SHOC1: variants seen among roughly 807,000 people sequenced by gnomAD.
SHOC1 encodes the protein protein shortage in chiasmata 1 ortholog.
SHOC1 carries 136 observed loss-of-function variants against 179.2 expected under a neutral mutation model. The observed-to-expected ratio is 0.76, with a 90% confidence interval of 0.66 to 0.87. The LOEUF (loss-of-function observed/expected upper bound fraction) is 0.87. Among genes scored for constraint, SHOC1 ranks in the 40% least tolerant of loss-of-function variants. The probability of loss-of-function intolerance (pLI) is 0.00; values close to 1 mark genes in which losing one functional copy is unlikely to be tolerated. For missense variants in SHOC1, 1,538 were observed against 1,700.8 expected, an observed-to-expected ratio of 0.90 and a Z score of 1.68; for synonymous variants, 489 against 586.6, an observed-to-expected ratio of 0.83 and a Z score of 2.41.
Position 111,692,421 on chromosome 9 carries a change from G to T in SHOC1, c.3556C>A (p.Gln1186Lys), listed in dbSNP as rs1831486988. ...QISSPQENRNQISTLSSQSSA... is the reference protein window; with the variant it reads ...QISSPQENRNKISTLSSQSSA... ...CTTTGAGAAGACAAGGTACTAATCT[G>T]ATTCCTATTTTCCTGAGGTGACGAA... Residue 1186 changes from glutamine (Q) to lysine (K), a missense_variant, in exon 27 of 28, where the codon CAG (glutamine) becomes AAG (lysine). Coordinates refer to ENST00000682961, the MANE Select transcript of SHOC1 (RefSeq NM_001378211.1). 6.2e-7 allele frequency: 1 copy of T among 1,611,454 alleles called. No individual in the cohort carries two copies.
chr9:111,776,109 T>C, intron 4 of SHOC1, 134 bp from the exon 5 acceptor site: 1 of 648,226 alleles, frequency 1.5e-6, no homozygotes, highest in Non-Finnish European at 2.6e-6. Flanking sequence ...TATATTCCCA[T>C]CATTCAAGAT....
chr9:111,697,052 T>C (rs1311691517), intron 24 of SHOC1, among the ~76,000 whole-genome samples: 1 of 152,180 alleles, frequency 6.6e-6, no homozygotes, highest in Non-Finnish European at 1.5e-5. Context: ...AAAAAGAGCA[T>C]CATTCTTACC....
chr9:111,711,769 G>A (rs887387620), intron 18 of SHOC1, among the ~76,000 whole-genome samples: 2 of 152,146 alleles, frequency 1.3e-5, no homozygotes, highest in African/African-American at 2.4e-5. Flanking sequence ...TTGTTAAGAC[G>A]TCTTAAGAGC....
intron 1 of SHOC1, among the ~76,000 whole-genome samples, chr9:111,792,211 G>A (rs2131660895): frequency 6.6e-6 from 1 of 152,124 alleles, no homozygotes; most frequent in East Asian, 1.9e-4. Context: ...AGAACTCAAG[G>A]AATTACAGTT....
rs1230240192 is a variant in SHOC1 at position 111,786,012 on chromosome 9, G to A, written c.69C>T (p.Tyr23=). 1.3e-6 allele frequency: 2 copies of A among 1,505,842 alleles called. No homozygotes were observed. The highest frequency in any genetic ancestry group is 1.8e-6 in the Non-Finnish European group (2 of 1,128,406). The allele number at this position is 1,505,842 out of a possible 1,614,324, so 93.3% of individuals were successfully genotyped here. The change falls in exon 3 of 28, where the codon TAC becomes TAT. Residue 23 remains tyrosine (Y), a synonymous_variant. Transcript: ENST00000682961. ...LYENVVRKKF[Y]RDALLLRIPS... is the part of the protein sequence containing the mutation. ...GGATTCGAAGCAATAAAGCATCTCTGTAAAACTTCTTTCTAACCACATTCT... is the reference window on the plus strand; with the variant it reads ...GGATTCGAAGCAATAAAGCATCTCTATAAAACTTCTTTCTAACCACATTCT...
At chr9:111,689,744 T>C (rs1056505216) in intron 27 of SHOC1, among the ~76,000 whole-genome samples, 2 of 152,100 alleles carry the variant, frequency 1.3e-5, no homozygotes, top group Non-Finnish European at 2.9e-5. Context: ...ACTGATATTA[T>C]TTTATAGAGT....
chr9:111,736,310 A>G (rs1190737423), intron 12 of SHOC1, among the ~76,000 whole-genome samples: 1 of 152,238 alleles, frequency 6.6e-6, no homozygotes, highest in African/African-American at 2.4e-5. Context: ...ACCTGATTCC[A>G]ACTATACTAT....
intron 5 of SHOC1, among the ~76,000 whole-genome samples, chr9:111,775,537 T>C (rs28496558): frequency 0.057 from 8,729 of 152,230 alleles, 617 homozygotes; most frequent in African/African-American, 0.17. Flanking sequence ...TATAGCAGTA[T>C]GTTGAAGGCA....
chr9:111,692,258 G>T lies in SHOC1; in HGVS notation c.3719C>A (p.Ser1240Ter). 1 of 1,613,690 alleles carries T rather than the reference G, an allele frequency of 6.2e-7. No homozygotes were observed. Among genetic ancestry groups the T allele is most frequent in the South Asian group, 1.1e-5 (1 of 91,066 alleles). The change falls in exon 27 of 28, where the codon TCA becomes TAA. Residue 1240 changes from serine to a stop codon, truncating the protein, a stop_gained. Coordinates refer to ENST00000682961, the MANE Select transcript of SHOC1 (RefSeq NM_001378211.1). LOFTEE classifies it high-confidence loss of function. ...NSSIMELKEI[S>*]SFLPPVTSYN... The stretch of plus-strand genomic sequence containing the variant: ...TGAAGTCACAGGTGGTAAAAAACTT[G>T]AGATTTCTTTTAGTTCCATAATGGA...
intron 5 of SHOC1, among the ~76,000 whole-genome samples, chr9:111,759,722 T>G (rs922774776): frequency 1.2e-4 from 18 of 152,196 alleles, no homozygotes; most frequent in African/African-American, 4.1e-4. Context: ...GGGTATTGAC[T>G]TTTCGGTTAA....
At chr9:111,765,973 GC>G (rs1835340065) in intron 5 of SHOC1, among the ~76,000 whole-genome samples, 1 of 152,074 alleles carries the variant, frequency 6.6e-6, no homozygotes, top group Non-Finnish European at 1.5e-5. Flanking sequence ...GAGCCACCGT[GC>G]CTAGTCCATC....
intron 2 of SHOC1, among the ~76,000 whole-genome samples, chr9:111,787,722 G>A (rs1836309845): frequency 6.6e-6 from 1 of 152,212 alleles, no homozygotes; most frequent in Non-Finnish European, 1.5e-5. Flanking sequence ...CAGCAGCAGA[G>A]TTTGAGAGGA....
chr9:111,694,386 A>T (rs763999086), intron 24 of SHOC1, 24 bp from the exon 25 acceptor site: 1 of 1,549,280 alleles, frequency 6.5e-7, no homozygotes, highest in Non-Finnish European at 8.8e-7. Flanking sequence ...TTTATGTTAG[A>T]TTATAGGAAA....
chr9:111,741,085 A>G (rs1271963162), intron 11 of SHOC1, among the ~76,000 whole-genome samples: 1 of 152,096 alleles, frequency 6.6e-6, no homozygotes, highest in East Asian at 1.9e-4. Context: ...ATGTTTTTAA[A>G]CGTCTTTTTT....
At chr9:111,711,877 A>G (rs73541285) in intron 18 of SHOC1, among the ~76,000 whole-genome samples, 4,918 of 152,278 alleles carry the variant, frequency 0.032, 289 homozygotes, top group African/African-American at 0.11. Context: ...TCTCAGGTGT[A>G]GGAATAGAGA....
Position 111,703,990 on chromosome 9 carries a change from T to G in SHOC1, c.2858A>C (p.Tyr953Ser). ...PDILQLLESNYNISLVERGCS... is the reference protein window; with the variant it reads ...PDILQLLESNSNISLVERGCS... The stretch of plus-strand genomic sequence containing the variant: ...GCCTCTCTCTACTAGTGAGATGTTA[T>G]AGCTGTAAAATACAATATTCTTGAG... The change falls in exon 22 of 28, where the codon TAT becomes TCT. Residue 953 changes from tyrosine (Y) to serine (S), a missense_variant and splice_region_variant. Tyr to Ser is a moderately radical substitution (Grantham distance 144). Transcript: ENST00000682961. 2.0e-6 allele frequency: 3 copies of G among 1,521,916 alleles called. No homozygotes were observed. The highest frequency in any genetic ancestry group is 2.7e-6 in the Non-Finnish European group (3 of 1,111,068). The allele number at this position is 1,521,916 out of a possible 1,614,324, so 94.3% of individuals were successfully genotyped here. A position where few individuals can be genotyped will look rare whatever the true frequency, so the allele number is the denominator to read the frequency against.
chr9:111,769,975 G>GTTTTTTTTTTTTTT, intron 5 of SHOC1, among the ~76,000 whole-genome samples: 20 of 87,800 alleles, frequency 2.3e-4, no homozygotes, highest in Non-Finnish European at 3.1e-4. Flanking sequence ...TTTATCTTCT[G>GTTTTTTTTTTTTTT]TTTTTTTTTT....
At position 111,793,966 on chromosome 9, in the gene SHOC1, C is replaced by T. The variant is rs559666285; in HGVS notation, c.-37+934G>A. Among the ~76,000 whole-genome samples the T allele has an allele frequency of 2.6e-5, 4 of 152,174 alleles. No individual in the cohort carries two copies. The South Asian group carries it at 8.3e-4, about 32-fold the overall frequency. Reference sequence around the variant, plus strand: ...TCCCGGGTTCAAGCGATTCTCCTGCCTCAGCCTCCCGAGTAGCTGGGATTA... The same window carrying T: ...TCCCGGGTTCAAGCGATTCTCCTGCTTCAGCCTCCCGAGTAGCTGGGATTA... On this transcript the variant is annotated intron_variant, in intron 1 of 27. Coordinates refer to ENST00000682961, the MANE Select transcript of SHOC1 (RefSeq NM_001378211.1).
At position 111,788,348 on chromosome 9, in the gene SHOC1, T is replaced by C. The variant is rs575313331; in HGVS notation, c.46-2313A>G. ...TTTTGGTAGAGACAGGGTTTTGCCA[T>C]GTTGGCCAGGCTGGTCTCAAACTCC... On this transcript the variant is annotated intron_variant, in intron 2 of 27. Transcript: ENST00000682961. Among the ~76,000 whole-genome samples the C allele has an allele frequency of 2.0e-5, 3 of 152,310 alleles. No individual in the cohort carries two copies. In the East Asian group the frequency reaches 5.8e-4, roughly 29 times the overall value.
Sources: gnomAD v4.1 joint callset for allele counts (sites outside exome capture counted in the v4.1 genomes callset) on GRCh38, gnomAD v4.1.1 for gene constraint, MANE v1.5 for transcripts, NCBI Gene and HGNC (gene_info 2026-07-23, HGNC 2026-07-21) for gene names.